HNRNPA1L2: variants seen among roughly 807,000 people sequenced by gnomAD.
HNRNPA1L2 encodes heterogeneous nuclear ribonucleoprotein A1-like 2.
HNRNPA1L2 carries 10 observed loss-of-function variants against 18.2 expected under a neutral mutation model. The observed-to-expected ratio is 0.55, with a 90% CI of 0.34 to 0.93. The LOEUF is 0.93. HNRNPA1L2 is among the 40% of genes least tolerant of loss of function. The pLI is 0.02. For synonymous variants in HNRNPA1L2, 124 were observed against 138.6 expected, an observed-to-expected ratio of 0.89 and a Z score of 0.74; for missense variants, 308 against 394.4, an observed-to-expected ratio of 0.78 and a Z score of 1.85.
At chr13:52,632,134 CTT>C in the HNRNPA1L2 span, among the ~76,000 whole-genome samples, 9,359 of 152,104 alleles carry the variant, frequency 0.062, 332 homozygotes, top group African/African-American at 0.095. Flanking sequence ...GTTTTTAAAA[CTT>C]AATATAAAAG....
At chr13:52,640,045 A>G (rs996254680), upstream of HNRNPA1L2, among the ~76,000 whole-genome samples, 3 of 151,992 alleles carry the variant, frequency 2.0e-5, no homozygotes, top group Admixed American at 6.6e-5. Flanking sequence ...GGTTCAAGCA[A>G]TCCTCTCACT....
At position 52,643,039 on chromosome 13, in the gene HNRNPA1L2, A is replaced by G; in HGVS notation, c.547A>G (p.Lys183Glu). Residue 183 changes from lysine (K) to glutamate (E), a missense_variant, in exon 1 of 1, where the codon AAG (lysine) becomes GAG (glutamate). Physicochemically the swap from Lys to Glu is moderately conservative, Grantham distance 56 (BLOSUM62 1). Coordinates refer to ENST00000357495, the MANE Select transcript of HNRNPA1L2 (RefSeq NM_001389320.1). ...CTGTGAAGTTAGAAAAGCCCTGCCA[A>G]AGCAAGAGATGGCTAGTGCTTCATC... ...HNCEVRKALP[K>E]QEMASASSSQ... The G allele has an allele frequency of 6.3e-7, 1 of 1,597,634 alleles. No individual in the cohort carries two copies. The highest frequency in any genetic ancestry group is 2.2e-5 in the East Asian group (1 of 44,884).
In HNRNPA1L2 at chr13:52,642,472, G is replaced by A. The variant is rs1961688600; in HGVS notation, c.-21G>A. 1.2e-6 allele frequency: 2 copies of A among 1,610,852 alleles called. No individual in the cohort carries two copies. The highest frequency in any genetic ancestry group is 8.5e-7 in the Non-Finnish European group (1 of 1,179,520). ...ACGCCGCTGAAGAAGCATCGTTAAA[G>A]TCTCTCTTCACCTTGCCGTCATGTC... On this transcript the variant is annotated 5_prime_UTR_variant, in exon 1 of 1. Transcript: ENST00000357495.
the HNRNPA1L2 span, among the ~76,000 whole-genome samples, chr13:52,619,461 C>G: frequency 6.6e-6 from 1 of 152,082 alleles, no homozygotes; most frequent in African/African-American, 2.4e-5. Flanking sequence ...TACAAGCGTA[C>G]GTTACCACGC....
At chr13:52,618,986 G>A in the HNRNPA1L2 span, among the ~76,000 whole-genome samples, 5 of 152,186 alleles carry the variant, frequency 3.3e-5, no homozygotes, top group Non-Finnish European at 5.9e-5. Context: ...CCACCTTTCT[G>A]TTAAAGTACC....
upstream of HNRNPA1L2, chr13:52,641,277 C>A (rs1961645570): frequency 6.6e-6 from 1 of 152,190 alleles, no homozygotes; most frequent in South Asian, 2.1e-4. Context: ...TATTCTTTAA[C>A]CCTCTGTAGT....
At chr13:52,639,676 T>C (rs112239958), upstream of HNRNPA1L2, among the ~76,000 whole-genome samples, 2,301 of 143,152 alleles carry the variant, frequency 0.016, 64 homozygotes, top group Admixed American at 0.073. Context: ...TTCTCTTCTG[T>C]TTTTGTTGAC....
chr13:52,624,824 G>A, the HNRNPA1L2 span, among the ~76,000 whole-genome samples: 10 of 152,126 alleles, frequency 6.6e-5, no homozygotes, highest in Admixed American at 6.5e-4. Context: ...GAGGTTAGGA[G>A]CTGAGACCTA....
At chr13:52,634,828 T>C in the HNRNPA1L2 span, among the ~76,000 whole-genome samples, 1 of 152,200 alleles carries the variant, frequency 6.6e-6, no homozygotes, top group African/African-American at 2.4e-5. Flanking sequence ...TCTGCCTCAC[T>C]AACCTTTCCC....
chr13:52,631,841 C>T, the HNRNPA1L2 span, among the ~76,000 whole-genome samples: 1 of 152,076 alleles, frequency 6.6e-6, no homozygotes, highest in Non-Finnish European at 1.5e-5. Context: ...ATATTAATTT[C>T]AATGGTTAAA....
At chr13:52,622,516 G>T in the HNRNPA1L2 span, among the ~76,000 whole-genome samples, 1 of 152,162 alleles carries the variant, frequency 6.6e-6, no homozygotes, top group African/African-American at 2.4e-5. Context: ...ATCTCATTGA[G>T]AATTCTACAC....
chr13:52,643,692 A>AAC lies in HNRNPA1L2; in HGVS notation c.*239_*240dup, dbSNP rs1961742774. On this transcript the variant is annotated 3_prime_UTR_variant, in exon 1 of 1. Transcript: ENST00000357495. The stretch of plus-strand genomic sequence containing the variant: ...TTCTGTGGAAAGTGTAAAGCATTCC[A>AAC]ACAAAGTGTTTTAATGTAGATTTTT... 2 of 586,838 alleles carry AAC rather than the reference A, an allele frequency of 3.4e-6. No homozygotes were observed. Among genetic ancestry groups the AAC allele is most frequent in the African/African-American group, 1.9e-5 (1 of 53,486 alleles). 36.4% of individuals were successfully genotyped at this position (586,838 alleles called of 1,614,324 possible). A position where few individuals can be genotyped will look rare whatever the true frequency, so the allele number is the denominator to read the frequency against.
At chr13:52,619,636 A>G in the HNRNPA1L2 span, among the ~76,000 whole-genome samples, 1 of 151,562 alleles carries the variant, frequency 6.6e-6, no homozygotes, top group East Asian at 2.0e-4. Flanking sequence ...AGTGTAGAAT[A>G]ATAGGCTGGG....
Position 52,643,763 on chromosome 13 carries a change from G to C in HNRNPA1L2, c.*308G>C, listed in dbSNP as rs1198147292. 4 of 402,204 alleles carry C rather than the reference G, an allele frequency of 9.9e-6. No homozygotes were observed. The highest frequency in any genetic ancestry group is 1.8e-5 in the Non-Finnish European group (4 of 220,466). The allele number at this position is 402,204 out of a possible 1,614,324, so 24.9% of individuals were successfully genotyped here. On this transcript the variant is annotated 3_prime_UTR_variant, in exon 1 of 1. Coordinates refer to ENST00000357495, the MANE Select transcript of HNRNPA1L2 (RefSeq NM_001389320.1). ...GATTGCTAAATGTAATAGTCTGATTGTGACGCTGAATAAATGTCTCTAAAA... is the reference window on the plus strand; with the variant it reads ...GATTGCTAAATGTAATAGTCTGATTCTGACGCTGAATAAATGTCTCTAAAA...
upstream of HNRNPA1L2, among the ~76,000 whole-genome samples, chr13:52,639,896 G>GTTTTTTTTT (rs1199414232): frequency 1.4e-5 from 1 of 70,694 alleles, no homozygotes; most frequent in African/African-American, 5.9e-5. Flanking sequence ...TTTTTTTTTT[G>GTTTTTTTTT]TTTTTTTTTT....
the HNRNPA1L2 span, among the ~76,000 whole-genome samples, chr13:52,634,680 T>G: frequency 6.6e-6 from 1 of 152,248 alleles, no homozygotes; most frequent in Non-Finnish European, 1.5e-5. Context: ...TGATTCCCAC[T>G]TCTTGTTCCC....
chr13:52,627,898 T>G, the HNRNPA1L2 span, among the ~76,000 whole-genome samples: 3 of 152,254 alleles, frequency 2.0e-5, no homozygotes, highest in South Asian at 4.2e-4. Flanking sequence ...AAGTAATTTT[T>G]TTTTCAGTTA....
the HNRNPA1L2 span, chr13:52,621,981 C>G: frequency 6.4e-6 from 1 of 156,800 alleles, no homozygotes; most frequent in African/African-American, 2.4e-5. Context: ...TTTAATGCAT[C>G]TTTCCAGGAC....
the HNRNPA1L2 span, among the ~76,000 whole-genome samples, chr13:52,631,304 A>AGCC: frequency 6.6e-6 from 1 of 152,206 alleles, no homozygotes; most frequent in East Asian, 1.9e-4. Context: ...TGAAAGTGAA[A>AGCC]CCTAGCTTAA....
Sources: allele counts gnomAD v4.1 joint callset (sites outside exome capture counted in the v4.1 genomes callset), GRCh38; gene constraint gnomAD v4.1.1; transcripts MANE v1.5; gene names NCBI Gene and HGNC (gene_info 2026-07-23, HGNC 2026-07-21).